The following TM9SF2 variants were observed in gnomAD, a reference collection of about 807,000 sequenced individuals.
The protein encoded by TM9SF2 is transmembrane 9 superfamily member 2.
A neutral mutation model predicts 84.9 loss-of-function variants in TM9SF2; 13 were observed. The ratio of observed to expected loss-of-function variants is 0.15; its 90% CI spans 0.10 to 0.24. The LOEUF is 0.24. TM9SF2 is among the 10% of genes least tolerant of loss of function. The pLI, the probability that TM9SF2 is intolerant of heterozygous loss-of-function variation, is 1.00. For synonymous variants in TM9SF2, 273 were observed against 285.8 expected (o/e 0.96, Z 0.45); for missense variants, 562 against 818.5 (o/e 0.69, Z 3.82).
chr13:99,517,553 C>A, intron 1 of TM9SF2, 61 bp from the exon 2 acceptor site: 1 of 1,096,294 alleles, frequency 9.1e-7, no homozygotes, highest in East Asian at 2.6e-5. Flanking sequence ...TAATTCTAAG[C>A]ATGACTTAAG....
intron 3 of TM9SF2, 52 bp from the exon 4 acceptor site, chr13:99,529,415 G>T (rs1310585863): frequency 6.9e-7 from 1 of 1,450,468 alleles, no homozygotes; most frequent in Non-Finnish European, 9.1e-7. Context: ...ATATTGGTAT[G>T]AAAAACCTGG....
chr13:99,544,142 G>C, intron 10 of TM9SF2, 147 bp downstream of exon 10: 1 of 818,912 alleles, frequency 1.2e-6, no homozygotes, highest in South Asian at 1.8e-5. Flanking sequence ...ACAAGGTCAG[G>C]AGTTTGAGAC....
intron 3 of TM9SF2, among the ~76,000 whole-genome samples, chr13:99,525,219 C>T (rs899800274): frequency 1.1e-4 from 16 of 151,652 alleles, no homozygotes; most frequent in Admixed American, 6.6e-4. Flanking sequence ...TGGAGGATGG[C>T]GTGGTTCAAA....
At chr13:99,547,640 G>A (rs924102794) in intron 11 of TM9SF2, among the ~76,000 whole-genome samples, 1 of 152,124 alleles carries the variant, frequency 6.6e-6, no homozygotes, top group African/African-American at 2.4e-5. Context: ...ACAATCTCTT[G>A]TGTTCTTGCA....
chr13:99,530,395 G>T (rs987188104), intron 4 of TM9SF2, among the ~76,000 whole-genome samples: 1 of 152,202 alleles, frequency 6.6e-6, no homozygotes, highest in Non-Finnish European at 1.5e-5. Context: ...CTGCACTCCC[G>T]CCTGGGCGAC....
chr13:99,542,220 G>T (rs1310136692), intron 9 of TM9SF2, among the ~76,000 whole-genome samples: 1 of 151,938 alleles, frequency 6.6e-6, no homozygotes, highest in Admixed American at 6.6e-5. Flanking sequence ...AGCCTCCTGT[G>T]TGGGAATGGA....
At chr13:99,522,948 G>A (rs557779972) in intron 3 of TM9SF2, among the ~76,000 whole-genome samples, 25 of 152,264 alleles carry the variant, frequency 1.6e-4, no homozygotes, top group African/African-American at 6.0e-4. Context: ...TAAAAGGAGA[G>A]CTTTAGAATG....
chr13:99,549,181 G>T lies in TM9SF2; in HGVS notation c.1287G>T (p.Lys429Asn). 3.1e-6 allele frequency: 5 copies of T among 1,613,302 alleles called. No individual in the cohort carries two copies. Among genetic ancestry groups the T allele is most frequent in the Non-Finnish European group, 4.2e-6 (5 of 1,179,638 alleles). Reference protein sequence around the residue: ...ARFYKSFGGEKWKTNVLLTSF... With the variant: ...ARFYKSFGGENWKTNVLLTSF... ...CTTCTATAGCCTTTGGAGGTGAGAA[G>T]TGGAAAACAAATGTTTTATTAACAT... Residue 429 changes from lysine to asparagine, a missense_variant, in exon 12 of 17, where the codon AAG becomes AAT. Lys to Asn is a moderately conservative substitution (Grantham distance 94, BLOSUM62 0). Around this residue, in one of 4 missense-constraint regions of TM9SF2, gnomAD observed 219 missense variants for 338.1 expected, o/e 0.65. Coordinates refer to ENST00000376387, the MANE Select transcript of TM9SF2 (RefSeq NM_004800.3).
chr13:99,536,015 G>A (rs1430797093), intron 4 of TM9SF2, among the ~76,000 whole-genome samples: 1 of 151,792 alleles, frequency 6.6e-6, no homozygotes, highest in Non-Finnish European at 1.5e-5. Flanking sequence ...TTTCCTCCTG[G>A]CTCTTTAGTT....
chr13:99,548,846 C>G (rs2046294531), intron 11 of TM9SF2, among the ~76,000 whole-genome samples: 1 of 152,112 alleles, frequency 6.6e-6, no homozygotes, highest in South Asian at 2.1e-4. Context: ...TCCCGTGTGC[C>G]CTTCCTGTGC....
At chr13:99,559,065 T>C (rs1007000941) in intron 15 of TM9SF2, among the ~76,000 whole-genome samples, 1 of 152,218 alleles carries the variant, frequency 6.6e-6, no homozygotes, top group East Asian at 1.9e-4. Flanking sequence ...CGCTTTTCTT[T>C]GGGAAGAATA....
chr13:99,502,476 C>T (rs1276473838), intron 1 of TM9SF2, among the ~76,000 whole-genome samples: 3 of 152,152 alleles, frequency 2.0e-5, no homozygotes, highest in Admixed American at 6.5e-5. Context: ...TACGAGGTCT[C>T]ACTATTTTCT....
At chr13:99,531,801 C>T (rs2046211209) in intron 4 of TM9SF2, among the ~76,000 whole-genome samples, 1 of 152,100 alleles carries the variant, frequency 6.6e-6, no homozygotes, top group African/African-American at 2.4e-5. Context: ...AGCTTGTTTC[C>T]CCTAAACTAC....
intron 11 of TM9SF2, among the ~76,000 whole-genome samples, 178 bp from the exon 12 acceptor site, chr13:99,548,987 A>T (rs574488171): frequency 3.9e-5 from 6 of 152,282 alleles, no homozygotes; most frequent in Admixed American, 2.6e-4. Flanking sequence ...CCCATCCTGT[A>T]TGTCTCAGAT....
intron 1 of TM9SF2, among the ~76,000 whole-genome samples, chr13:99,516,736 G>T (rs992554253): frequency 6.6e-6 from 1 of 152,142 alleles, no homozygotes; most frequent in African/African-American, 2.4e-5. Context: ...CTACTACCTT[G>T]TAGTTCAGTG....
At chr13:99,547,533 G>T (rs1443483068) in intron 11 of TM9SF2, among the ~76,000 whole-genome samples, 1 of 152,074 alleles carries the variant, frequency 6.6e-6, no homozygotes, top group Non-Finnish European at 1.5e-5. Context: ...TACTTACATT[G>T]TATCAATTTA....
intron 1 of TM9SF2, among the ~76,000 whole-genome samples, chr13:99,508,845 G>A (rs2046101134): frequency 6.6e-6 from 1 of 152,138 alleles, no homozygotes; most frequent in African/African-American, 2.4e-5. Flanking sequence ...CTACCCCCAT[G>A]ATCTAGTCAC....
At chr13:99,555,291 T>G (rs773610086) in intron 14 of TM9SF2, among the ~76,000 whole-genome samples, 20 of 152,266 alleles carry the variant, frequency 1.3e-4, no homozygotes, top group Non-Finnish European at 2.2e-4. Context: ...AGTCTAGCCA[T>G]ATGTAAATAA....
intron 4 of TM9SF2, among the ~76,000 whole-genome samples, chr13:99,535,132 A>T (rs2046228386): frequency 6.6e-6 from 1 of 152,194 alleles, no homozygotes; most frequent in Admixed American, 6.5e-5. Context: ...AGCCTGGGTG[A>T]CAGAGCAAGA....
Sources: gnomAD v4.1 joint callset for allele counts (sites outside exome capture counted in the v4.1 genomes callset) on GRCh38, gnomAD v4.1.1 for gene constraint, gnomAD v4.1.1 regional missense constraint, MANE v1.5 for transcripts, NCBI Gene and HGNC (gene_info 2026-07-23, HGNC 2026-07-21) for gene names.